PCDH15: variants seen among roughly 807,000 people sequenced by gnomAD.
PCDH15 encodes protocadherin related 15.
Under a neutral mutation model 178.5 loss-of-function variants are expected in PCDH15, and 129 were observed. The observed-to-expected ratio is 0.72, with a 90% CI of 0.63 to 0.84. The LOEUF (loss-of-function observed/expected upper bound fraction) is 0.84. PCDH15 is among the 40% of genes least tolerant of loss of function. The pLI, the probability that PCDH15 is intolerant of heterozygous loss-of-function variation, is 0.00. For synonymous variants in PCDH15, 800 were observed against 732.0 expected (o/e 1.09, Z -1.50); for missense variants, 2,230 against 2,099.9 (o/e 1.06, Z -1.21).
intron 25 of PCDH15, among the ~76,000 whole-genome samples, chr10:53,924,405 A>T (rs1013391209): frequency 1.3e-5 from 2 of 152,202 alleles, no homozygotes; most frequent in East Asian, 3.9e-4. Context: ...ACTGGGCCTC[A>T]GCTGCCTCCC....
At chr10:55,519,763 A>G (rs1408272799) in intron 2 of PCDH15, among the ~76,000 whole-genome samples, 9 of 151,634 alleles carry the variant, frequency 5.9e-5, no homozygotes, top group African/African-American at 2.2e-4. Flanking sequence ...CCCAGTTGTG[A>G]AATTACATTA....
chr10:54,490,844 A>G (rs972331625), intron 3 of PCDH15, among the ~76,000 whole-genome samples: 2 of 152,184 alleles, frequency 1.3e-5, no homozygotes, highest in Non-Finnish European at 2.9e-5. Context: ...AGGAGAGACC[A>G]TTTTACATAG....
At chr10:54,255,747 A>G (rs2056848284) in intron 8 of PCDH15, among the ~76,000 whole-genome samples, 1 of 152,110 alleles carries the variant, frequency 6.6e-6, no homozygotes, top group South Asian at 2.1e-4. Flanking sequence ...TGATAGCCTG[A>G]AAGCCCACTC....
At chr10:55,603,184 G>C (rs1422779308) in intron 2 of PCDH15, among the ~76,000 whole-genome samples, 1 of 151,988 alleles carries the variant, frequency 6.6e-6, no homozygotes, top group Non-Finnish European at 1.5e-5. Context: ...GGGAAGTTTA[G>C]AGAAAAAAGA....
At chr10:54,053,280 T>C (rs1277732552) in intron 18 of PCDH15, among the ~76,000 whole-genome samples, 1 of 152,234 alleles carries the variant, frequency 6.6e-6, no homozygotes. Context: ...CGGTTCTCTT[T>C]TTACATTTAG....
At chr10:55,394,059 C>A (rs1212533009) in intron 2 of PCDH15, among the ~76,000 whole-genome samples, 1 of 151,984 alleles carries the variant, frequency 6.6e-6, no homozygotes, top group Non-Finnish European at 1.5e-5. Context: ...TAAAACCCAA[C>A]CAGCCCCTTC....
chr10:55,582,611 TATATATATATA>T (rs1842638528), intron 2 of PCDH15, among the ~76,000 whole-genome samples: 1 of 91,876 alleles, frequency 1.1e-5, no homozygotes, highest in African/African-American at 5.7e-5. Context: ...TATATATATA[TATATATATATA>T]TATATATTTT....
chr10:54,624,810 G>A (rs1253276274), intron 2 of PCDH15, among the ~76,000 whole-genome samples: 2 of 152,216 alleles, frequency 1.3e-5, no homozygotes, highest in African/African-American at 4.8e-5. Context: ...GGTCTAGGTT[G>A]CGTGCTCCTA....
chr10:54,599,917 G>A (rs748389671), intron 2 of PCDH15: 25 of 792,732 alleles, frequency 3.2e-5, no homozygotes, highest in Non-Finnish European at 4.9e-5. Context: ...AAAGAGTGAG[G>A]AAGTGGCCAC....
intron 2 of PCDH15, among the ~76,000 whole-genome samples, chr10:55,146,378 A>C (rs568654049): frequency 6.6e-6 from 1 of 152,024 alleles, no homozygotes; most frequent in South Asian, 2.1e-4. Context: ...GATACTCTCT[A>C]GTATAAAACC....
At chr10:54,449,773 C>A (rs1186404667) in intron 3 of PCDH15, among the ~76,000 whole-genome samples, 1 of 151,592 alleles carries the variant, frequency 6.6e-6, no homozygotes, top group Admixed American at 6.6e-5. Context: ...AGGTTATATG[C>A]AAATACTAGG....
chr10:54,442,515 G>A (rs1394958443), intron 3 of PCDH15, among the ~76,000 whole-genome samples: 11 of 124,224 alleles, frequency 8.9e-5, no homozygotes, highest in Non-Finnish European at 1.6e-4. Context: ...GAAACAATCT[G>A]CACATATACA....
intron 1 of PCDH15, among the ~76,000 whole-genome samples, chr10:54,691,338 T>C (rs935936534): frequency 6.6e-5 from 10 of 152,064 alleles, no homozygotes; most frequent in African/African-American, 2.4e-4. Flanking sequence ...CAATAACCAC[T>C]AGAAACTCTC....
intron 2 of PCDH15, among the ~76,000 whole-genome samples, chr10:54,648,236 T>C (rs1247700739): frequency 6.6e-6 from 1 of 152,092 alleles, no homozygotes; most frequent in East Asian, 1.9e-4. Flanking sequence ...ACCCAGTACA[T>C]GAAATGTGTA....
intron 2 of PCDH15, among the ~76,000 whole-genome samples, chr10:54,634,178 T>A (rs1043414551): frequency 1.3e-5 from 2 of 148,598 alleles, no homozygotes; most frequent in Non-Finnish European, 3.0e-5. Context: ...TGGTAAATTA[T>A]AAAATCTTGC....
At chr10:53,958,341 G>A (rs2087845038) in intron 23 of PCDH15, among the ~76,000 whole-genome samples, 3 of 152,154 alleles carry the variant, frequency 2.0e-5, no homozygotes, top group Admixed American at 2.0e-4. Context: ...AATATTTGGT[G>A]TGGAATATCC....
chr10:54,288,910 C>T (rs2059209187), intron 8 of PCDH15, among the ~76,000 whole-genome samples: 1 of 152,234 alleles, frequency 6.6e-6, no homozygotes, highest in African/African-American at 2.4e-5. Flanking sequence ...CCTACTGCCT[C>T]TATAGACTCC....
chr10:55,114,733 G>T (rs777033780), intron 2 of PCDH15, among the ~76,000 whole-genome samples: 11 of 152,190 alleles, frequency 7.2e-5, no homozygotes, highest in Non-Finnish European at 1.2e-4. Flanking sequence ...AGAGCTACAA[G>T]ATGGAAAGGG....
chr10:54,768,388 A>T (rs1248832521), intron 1 of PCDH15, among the ~76,000 whole-genome samples: 1 of 152,166 alleles, frequency 6.6e-6, no homozygotes, highest in East Asian at 1.9e-4. Context: ...TACCTACAAA[A>T]TGATGTCACC....
Sources: gnomAD v4.1 joint callset for allele counts (sites outside exome capture counted in the v4.1 genomes callset) on GRCh38, gnomAD v4.1.1 for gene constraint, MANE v1.5 for transcripts, NCBI Gene and HGNC (gene_info 2026-07-23, HGNC 2026-07-21) for gene names.